Variants in TBC1D32 observed in about 807,000 individuals in gnomAD.
TBC1D32 encodes TBC1 domain family member 32.
In TBC1D32, 151 loss-of-function variants were observed where a neutral mutation model predicts 170.3. The observed-to-expected ratio is 0.89, with a 90% confidence interval of 0.78 to 1.01. The LOEUF (loss-of-function observed/expected upper bound fraction) is 1.01, where lower values mean the gene tolerates loss of function less well. TBC1D32 is among the 50% of genes least tolerant of loss of function. The pLI, the probability that TBC1D32 is intolerant of heterozygous loss-of-function variation, is 0.00. For synonymous variants in TBC1D32, 498 were observed against 488.0 expected (o/e 1.02, Z -0.27); for missense variants, 1,464 against 1,457.1 (o/e 1.00, Z -0.08).
At chr6:121,201,275 C>A (rs1332962115) in intron 22 of TBC1D32, among the ~76,000 whole-genome samples, 1 of 151,424 alleles carries the variant, frequency 6.6e-6, no homozygotes, top group Non-Finnish European at 1.5e-5. Flanking sequence ...ATAAAAGGCA[C>A]TTCACATATT....
chr6:121,092,457 G>T (rs939951412), intron 30 of TBC1D32, among the ~76,000 whole-genome samples: 9 of 151,678 alleles, frequency 5.9e-5, no homozygotes, highest in Non-Finnish European at 8.8e-5. Flanking sequence ...TCTTGAAAAG[G>T]TTCTAAAAGT....
intron 30 of TBC1D32, among the ~76,000 whole-genome samples, chr6:121,092,949 A>G (rs114051059): frequency 0.012 from 1,799 of 152,242 alleles, 10 homozygotes; most frequent in South Asian, 0.04. Context: ...ACTCATATCA[A>G]TTATTAACCT....
intron 12 of TBC1D32, among the ~76,000 whole-genome samples, chr6:121,287,005 C>CT (rs1803963470): frequency 6.6e-6 from 1 of 152,092 alleles, no homozygotes; most frequent in South Asian, 2.1e-4. Context: ...GAAGGAAGCA[C>CT]TAAACATGGA....
intron 24 of TBC1D32, among the ~76,000 whole-genome samples, chr6:121,149,660 C>G (rs964687200): frequency 1.3e-5 from 2 of 152,048 alleles, no homozygotes; most frequent in Non-Finnish European, 2.9e-5. Context: ...GTTACTGTAG[C>G]CTTGTAGTAT....
chr6:121,299,658 T>C (rs17083393), intron 9 of TBC1D32, among the ~76,000 whole-genome samples, 153 bp from the exon 10 acceptor site: 10,139 of 152,200 alleles, frequency 0.067, 626 homozygotes, highest in Admixed American at 0.21. Flanking sequence ...ATGTGTGCAT[T>C]GTATTAGGAG....
At chr6:121,259,067 T>C (rs1328472867) in intron 15 of TBC1D32, among the ~76,000 whole-genome samples, 6 of 151,372 alleles carry the variant, frequency 4.0e-5, no homozygotes, top group Non-Finnish European at 8.8e-5. Flanking sequence ...GGAGGCAAAG[T>C]CGGGTGGATC....
At chr6:121,104,189 G>C (rs1434674666) in intron 30 of TBC1D32, among the ~76,000 whole-genome samples, 1 of 151,704 alleles carries the variant, frequency 6.6e-6, no homozygotes, top group Non-Finnish European at 1.5e-5. Context: ...AAGTGGAAAA[G>C]ATTCCCTATA....
chr6:121,111,774 A>G (rs1270232013), intron 29 of TBC1D32, among the ~76,000 whole-genome samples: 1 of 152,080 alleles, frequency 6.6e-6, no homozygotes, highest in African/African-American at 2.4e-5. Flanking sequence ...CCTAATGAAT[A>G]TTTTCATCTC....
chr6:121,097,735 C>T (rs936258326), intron 30 of TBC1D32, among the ~76,000 whole-genome samples: 12 of 152,148 alleles, frequency 7.9e-5, no homozygotes, highest in Non-Finnish European at 1.6e-4. Flanking sequence ...TATAAAGACA[C>T]ATGCACACGT....
In TBC1D32 at chr6:121,126,025, C is replaced by T. The variant is rs115640011; in HGVS notation, c.2983+353G>A. Among the ~76,000 whole-genome samples, 1,371 of 152,058 alleles carry T rather than the reference C, an allele frequency of 9.0e-3. 17 individuals are homozygous for T. The highest frequency in any genetic ancestry group is 0.03 in the African/African-American group (1,259 of 41,482). ...AGCCTATAGTAGATCTTTGAGTGAA[C>T]GATGTAAATTTTGAAATCATCAATA... On this transcript the variant is annotated intron_variant, in intron 26 of 31. Coordinates refer to ENST00000398212, the MANE Select transcript of TBC1D32 (RefSeq NM_152730.6).
At chr6:121,294,861 A>G (rs985396385) in intron 10 of TBC1D32, among the ~76,000 whole-genome samples, 2 of 152,212 alleles carry the variant, frequency 1.3e-5, no homozygotes, top group South Asian at 2.1e-4. Flanking sequence ...CTGTGAAAAT[A>G]TTTGTGGACC....
chr6:121,256,270 A>G lies in TBC1D32; in HGVS notation c.1749T>C (p.His583=). The G allele has an allele frequency of 1.2e-6, 2 of 1,612,904 alleles. No homozygotes were observed. Among genetic ancestry groups the G allele is most frequent in the Non-Finnish European group, 8.5e-7 (1 of 1,179,414 alleles). ...GTTTTTTCGAAAACTGGGCAATTAT[A>G]TGAGCACCTGTAGGACTAAAAGATG... ...NSSEESPTGA[H]IIAQFSKKLL... is the part of the protein sequence containing the mutation. Residue 583 remains histidine (H), a synonymous_variant, in exon 16 of 32, where the codon CAT becomes CAC. Transcript: ENST00000398212.
At chr6:121,103,302 C>T (rs1331565092) in intron 30 of TBC1D32, among the ~76,000 whole-genome samples, 2 of 151,906 alleles carry the variant, frequency 1.3e-5, no homozygotes, top group Non-Finnish European at 2.9e-5. Flanking sequence ...TATAGCGACA[C>T]TATTCACAAT....
At chr6:121,332,175 TGATACA>T (rs1392997446) in intron 1 of TBC1D32, among the ~76,000 whole-genome samples, 2 of 152,120 alleles carry the variant, frequency 1.3e-5, no homozygotes, top group Non-Finnish European at 2.9e-5. Flanking sequence ...AGTTTTAAAT[TGATACA>T]GATAAAGCAA....
intron 19 of TBC1D32, among the ~76,000 whole-genome samples, chr6:121,239,472 A>G (rs186195899): frequency 2.0e-4 from 31 of 152,260 alleles, no homozygotes; most frequent in Admixed American, 1.6e-3. Context: ...ACTTTGGCCT[A>G]TAACTTCTCT....
At chr6:121,296,399 C>G (rs988609196) in intron 10 of TBC1D32, among the ~76,000 whole-genome samples, 1 of 152,030 alleles carries the variant, frequency 6.6e-6, no homozygotes, top group Non-Finnish European at 1.5e-5. Context: ...CTAAATCAAA[C>G]GTCAGGGATC....
At chr6:121,323,046 C>G (rs1025851742) in intron 1 of TBC1D32, among the ~76,000 whole-genome samples, 1 of 152,122 alleles carries the variant, frequency 6.6e-6, no homozygotes, top group Non-Finnish European at 1.5e-5. Context: ...CTCTTTCCAG[C>G]TACCCACCAC....
intron 24 of TBC1D32, among the ~76,000 whole-genome samples, chr6:121,132,860 T>C (rs1781592517): frequency 6.6e-6 from 1 of 151,954 alleles, no homozygotes; most frequent in Admixed American, 6.6e-5. Flanking sequence ...TAGTTAAGTG[T>C]TGTTAAAAAA....
intron 26 of TBC1D32, among the ~76,000 whole-genome samples, chr6:121,116,737 G>C (rs1339227616): frequency 6.6e-6 from 1 of 152,178 alleles, no homozygotes; most frequent in Non-Finnish European, 1.5e-5. Context: ...GAGAGGAGTT[G>C]TCCAAAGGAA....
Sources: allele counts gnomAD v4.1 joint callset (sites outside exome capture counted in the v4.1 genomes callset), GRCh38; gene constraint gnomAD v4.1.1; transcripts MANE v1.5; gene names NCBI Gene and HGNC (gene_info 2026-07-23, HGNC 2026-07-21).